Variants in CWF19L2 observed in about 807,000 individuals in gnomAD.
CWF19L2 encodes CWF19-like protein 2.
Under a neutral mutation model 111.7 loss-of-function variants are expected in CWF19L2, and 98 were observed. That is an observed-to-expected ratio of 0.88 (90% CI 0.75 to 1.04). The LOEUF (loss-of-function observed/expected upper bound fraction) is 1.04, where lower values mean the gene tolerates loss of function less well. CWF19L2 is among the 50% of genes least tolerant of loss of function. CWF19L2 has a pLI of 0.00. For missense variants in CWF19L2, 1,101 were observed against 1,051.4 expected (o/e 1.05, Z -0.65); for synonymous variants, 351 against 342.9 (o/e 1.02, Z -0.26).
intron 10 of CWF19L2, among the ~76,000 whole-genome samples, chr11:107,397,517 C>T (rs912775512): frequency 2.0e-5 from 3 of 152,128 alleles, no homozygotes; most frequent in Admixed American, 6.5e-5. Context: ...CAGCAAGACG[C>T]GCCCACGGAG....
chr11:107,379,296 A>G (rs533835006), intron 12 of CWF19L2, among the ~76,000 whole-genome samples: 2 of 152,280 alleles, frequency 1.3e-5, no homozygotes, highest in South Asian at 2.1e-4. Flanking sequence ...ACATCTGGCA[A>G]TATCTGGAGA....
At chr11:107,450,551 A>C (rs558152894) in intron 3 of CWF19L2, among the ~76,000 whole-genome samples, 8 of 152,104 alleles carry the variant, frequency 5.3e-5, no homozygotes, top group African/African-American at 9.7e-5. Flanking sequence ...ATCAATCAAT[A>C]AATCAATCAA....
At chr11:107,443,392 A>G (rs1390297856) in intron 3 of CWF19L2, among the ~76,000 whole-genome samples, 2 of 152,134 alleles carry the variant, frequency 1.3e-5, no homozygotes, top group African/African-American at 4.8e-5. Flanking sequence ...CTAAGGCAGG[A>G]GAATCGCTTG....
chr11:107,382,567 T>C (rs998752369), intron 12 of CWF19L2, among the ~76,000 whole-genome samples: 2 of 152,230 alleles, frequency 1.3e-5, no homozygotes, highest in Non-Finnish European at 1.5e-5. Context: ...TAAGTTACTA[T>C]ATACCTATTA....
At chr11:107,388,601 C>T (rs1565264421) in intron 12 of CWF19L2, among the ~76,000 whole-genome samples, 1 of 152,128 alleles carries the variant, frequency 6.6e-6, no homozygotes. Flanking sequence ...AGGCTGGTCT[C>T]GAACTCCTGA....
chr11:107,360,396 C>A (rs939843574), intron 12 of CWF19L2, among the ~76,000 whole-genome samples: 2 of 152,178 alleles, frequency 1.3e-5, no homozygotes, highest in African/African-American at 4.8e-5. Flanking sequence ...CTGATAGACA[C>A]AGGTTGATTA....
intron 10 of CWF19L2, among the ~76,000 whole-genome samples, chr11:107,411,220 C>G (rs10502089): frequency 0.017 from 2,574 of 152,188 alleles, 74 homozygotes; most frequent in African/African-American, 0.058. Flanking sequence ...ATCTCTCCTG[C>G]TATGGAAGGA....
intron 11 of CWF19L2, among the ~76,000 whole-genome samples, chr11:107,391,784 G>A (rs11212197): frequency 0.26 from 38,968 of 151,952 alleles, 5,380 homozygotes; most frequent in Non-Finnish European, 0.32. Context: ...TTCTTTACTA[G>A]CTTAAACCTC....
At position 107,418,226 on chromosome 11, in the gene CWF19L2, T is replaced by C; in HGVS notation, c.1495A>G (p.Lys499Glu). 3 of 1,612,294 alleles carry C rather than the reference T, an allele frequency of 1.9e-6. No individual in the cohort carries two copies. Among genetic ancestry groups the C allele is most frequent in the Non-Finnish European group, 1.7e-6 (2 of 1,178,360 alleles). ...CCCATCATCTCTGCTTTGATAATCT[T>C]GGCTCCCAACTTGTTCTTCTCATCA... ...SVDEKNKLGAKIIKAEMMGNM... is the reference protein window; with the variant it reads ...SVDEKNKLGAEIIKAEMMGNM... The change falls in exon 9 of 18, where the codon AAG becomes GAG. Residue 499 changes from lysine to glutamate, a missense_variant. By Grantham distance (56) the Lys-to-Glu change is moderately conservative. Transcript: ENST00000282251.
chr11:107,405,934 CAG>C (rs1182144483), intron 10 of CWF19L2, among the ~76,000 whole-genome samples: 2 of 150,954 alleles, frequency 1.3e-5, no homozygotes, highest in African/African-American at 4.9e-5. Context: ...TTTGGCCTAA[CAG>C]TATCTATTTA....
intron 10 of CWF19L2, among the ~76,000 whole-genome samples, chr11:107,414,437 G>A (rs1861198390): frequency 6.6e-6 from 1 of 152,092 alleles, no homozygotes; most frequent in African/African-American, 2.4e-5. Flanking sequence ...TTATGCCTGT[G>A]ATTATTTTAT....
chr11:107,407,505 T>C (rs530005230), intron 10 of CWF19L2, among the ~76,000 whole-genome samples: 3 of 152,172 alleles, frequency 2.0e-5, no homozygotes, highest in Admixed American at 2.0e-4. Flanking sequence ...GTATTTTTCA[T>C]ATGCAGTAAT....
At chr11:107,421,919 T>C (rs574357858) in intron 8 of CWF19L2, among the ~76,000 whole-genome samples, 92 of 152,226 alleles carry the variant, frequency 6.0e-4, no homozygotes, top group Non-Finnish European at 9.6e-4. Flanking sequence ...ATGTTCAGAA[T>C]TGTACATAAT....
In CWF19L2 at chr11:107,336,585, C is replaced by G. The variant is rs143958726; in HGVS notation, c.2331G>C (p.Val777=). Residue 777 remains valine (V), a synonymous_variant, in exon 15 of 18, where the codon GTG becomes GTC. Transcript: ENST00000282251. ...TAAAATAGATGGGAGCCATGTCACC[C>G]ACTTCCTTGGGAAGAGGAATACATT... ...VYECIPLPKE[V]GDMAPIYFKK... is the part of the protein sequence containing the mutation. 666 of 1,603,080 alleles carry G rather than the reference C, an allele frequency of 4.2e-4. No homozygotes were observed. The highest frequency in any genetic ancestry group is 5.5e-4 in the Non-Finnish European group (647 of 1,176,408).
At chr11:107,449,137 C>CA (rs34294840) in intron 3 of CWF19L2, among the ~76,000 whole-genome samples, 994 of 85,526 alleles carry the variant, frequency 0.012, 6 homozygotes, top group East Asian at 0.018. Context: ...TTTTACAGTG[C>CA]AAAAAAAAAA....
chr11:107,411,932 C>G (rs144569442), intron 10 of CWF19L2, among the ~76,000 whole-genome samples: 5 of 152,146 alleles, frequency 3.3e-5, no homozygotes, highest in Non-Finnish European at 7.3e-5. Flanking sequence ...TTAGTCCTAT[C>G]GAATGGAAGT....
At chr11:107,336,527 A>C (rs1209693922) in intron 15 of CWF19L2, 31 bp downstream of exon 15, 4 of 1,540,464 alleles carry the variant, frequency 2.6e-6, no homozygotes, top group Non-Finnish European at 3.5e-6. Context: ...AGCAAAAAAT[A>C]AGTGTATATG....
Position 107,370,773 on chromosome 11 carries a change from T to TTGACAAACATTGCC in CWF19L2, c.1873-17038_1873-17037insGGCAATGTTTGTCA, listed in dbSNP as rs1217359170. Among the ~76,000 whole-genome samples the TTGACAAACATTGCC allele has an allele frequency of 2.9e-5, 4 of 137,260 alleles. 1 individual carries two copies. The highest frequency in any genetic ancestry group is 8.7e-5 in the African/African-American group (3 of 34,324). The allele number at this position is 137,260 out of a possible 152,430, so 90.0% of individuals were successfully genotyped here. A position where few individuals can be genotyped will look rare whatever the true frequency, so the allele number is the denominator to read the frequency against. ...ATAAAAATAAACTTTAATGTTGGCT[T>TTGACAAACATTGCC]TGACAAACAGGTGGCAATGTTTTTC... is the stretch of plus-strand genomic sequence containing the variant. On this transcript the variant is annotated intron_variant, in intron 12 of 17. Transcript: ENST00000282251.
chr11:107,372,013 T>A (rs1239395213), intron 12 of CWF19L2, among the ~76,000 whole-genome samples: 1 of 136,884 alleles, frequency 7.3e-6, no homozygotes, highest in Non-Finnish European at 1.6e-5. Context: ...CTAAATTTTG[T>A]AGGCAATTTT....
Sources: allele counts gnomAD v4.1 joint callset (sites outside exome capture counted in the v4.1 genomes callset), GRCh38; gene constraint gnomAD v4.1.1; transcripts MANE v1.5; gene names NCBI Gene and HGNC (gene_info 2026-07-23, HGNC 2026-07-21).